PDE10A: variants seen among roughly 807,000 people sequenced by gnomAD.
The protein encoded by PDE10A is cAMP and cAMP-inhibited cGMP 3',5'-cyclic phosphodiesterase 10A.
Under a neutral mutation model 97.7 loss-of-function variants are expected in PDE10A, and 39 were observed. The ratio of observed to expected loss-of-function variants is 0.40; its 90% CI spans 0.31 to 0.52. PDE10A has a LOEUF of 0.52. Among genes scored for constraint, PDE10A ranks in the 20% least tolerant of loss-of-function variants. The pLI, the probability that PDE10A is intolerant of heterozygous loss-of-function variation, is 0.56. For missense variants in PDE10A, 731 were observed against 1,047.8 expected (o/e 0.70, Z 4.17); for synonymous variants, 371 against 376.8 (o/e 0.98, Z 0.18).
intron 1 of PDE10A, among the ~76,000 whole-genome samples, chr6:165,616,351 T>C (rs1199154727): frequency 6.6e-6 from 1 of 152,184 alleles, no homozygotes; most frequent in Non-Finnish European, 1.5e-5. Context: ...CAGGGAACAG[T>C]CTTCAGCAGC....
intron 3 of PDE10A, among the ~76,000 whole-genome samples, chr6:165,465,695 A>C (rs1778601960): frequency 6.6e-6 from 1 of 152,200 alleles, no homozygotes. Flanking sequence ...CAAAGGGGGA[A>C]GCCCCTTATA....
At chr6:165,436,384 C>T (rs1383599520) in intron 5 of PDE10A, among the ~76,000 whole-genome samples, 1 of 152,116 alleles carries the variant, frequency 6.6e-6, no homozygotes, top group Admixed American at 6.5e-5. Context: ...AATTACAGAA[C>T]TCTTTCTTTA....
rs183639376 is a variant in PDE10A, at chr6:165,771,032, G to T, written c.-615+216497C>A. On this transcript the variant is annotated intron_variant, in intron 1 of 19. Transcript: ENST00000366882. ...CTCTTTGCCCACAGTGACAGTTACT[G>T]CCATTGCAGGACTGGATTTAGAGAA... Among the ~76,000 whole-genome samples, 14 of 152,310 alleles carry T rather than the reference G, an allele frequency of 9.2e-5. No homozygotes were observed. The East Asian group carries it at 2.5e-3, about 27-fold the overall frequency.
chr6:165,829,179 C>G (rs1489185391), intron 1 of PDE10A, among the ~76,000 whole-genome samples: 1 of 152,210 alleles, frequency 6.6e-6, no homozygotes, highest in Non-Finnish European at 1.5e-5. Context: ...TAAGGATGCT[C>G]TCCAGCGCAT....
chr6:165,950,756 TA>T (rs11316490), intron 1 of PDE10A, among the ~76,000 whole-genome samples: 142,284 of 152,152 alleles, frequency 0.94, 66,656 homozygotes, highest in East Asian at 1. Flanking sequence ...TCTAAAGCAC[TA>T]AAAAAAAGGG....
In PDE10A at chr6:165,861,398, C is replaced by T. The variant is rs552967645; in HGVS notation, c.-615+126131G>A. 1.1e-4 allele frequency among the ~76,000 whole-genome samples: 16 copies of T among 148,050 alleles called. No homozygotes were observed. In the East Asian group the frequency reaches 2.6e-3, roughly 24 times the overall value. On this transcript the variant is annotated intron_variant, in intron 1 of 19. Coordinates refer to the PDE10A transcript ENST00000366882. ...GACACAGCTTGTCCTCTCGGGGGGG[C>T]GCTATGGAGGCAACAAAGTAGGGGA...
intron 1 of PDE10A, among the ~76,000 whole-genome samples, chr6:165,608,096 A>G (rs1401404725): frequency 1.4e-5 from 2 of 144,184 alleles, no homozygotes; most frequent in South Asian, 2.1e-4. Context: ...ATATATGTGC[A>G]TATATATACA....
At chr6:165,333,465 G>A (rs551758603) in intron 21 of PDE10A, among the ~76,000 whole-genome samples, 9 of 152,258 alleles carry the variant, frequency 5.9e-5, no homozygotes, top group South Asian at 4.1e-4. Context: ...GGAATACGCG[G>A]GATCGTGCAA....
At chr6:165,589,655 A>AG (rs1366521435) in intron 1 of PDE10A, among the ~76,000 whole-genome samples, 1 of 152,210 alleles carries the variant, frequency 6.6e-6, no homozygotes, top group African/African-American at 2.4e-5. Context: ...ATGGATGGAA[A>AG]GAAGGAAGGA....
intron 1 of PDE10A, among the ~76,000 whole-genome samples, chr6:165,983,993 A>C (rs1785101304): frequency 6.6e-6 from 1 of 152,264 alleles, no homozygotes; most frequent in Non-Finnish European, 1.5e-5. Flanking sequence ...CCGCCACTGC[A>C]GGCATGGGCC....
intron 1 of PDE10A, among the ~76,000 whole-genome samples, chr6:165,580,636 T>C (rs916515603): frequency 3.3e-5 from 5 of 152,210 alleles, no homozygotes; most frequent in African/African-American, 1.2e-4. Flanking sequence ...ATGGACTGAA[T>C]ATGGAGAGAG....
chr6:165,492,984 A>G (rs2128288960), intron 2 of PDE10A, among the ~76,000 whole-genome samples: 1 of 152,348 alleles, frequency 6.6e-6, no homozygotes, highest in South Asian at 2.1e-4. Flanking sequence ...CGAATTCAGC[A>G]AAGTTTCAGG....
chr6:165,459,791 G>A (rs1487610669), intron 3 of PDE10A, among the ~76,000 whole-genome samples: 1 of 152,066 alleles, frequency 6.6e-6, no homozygotes, highest in African/African-American at 2.4e-5. Context: ...GGCAATGGCA[G>A]GACTGAGAGT....
At chr6:165,928,182 G>C (rs1023539273) in intron 1 of PDE10A, among the ~76,000 whole-genome samples, 35 of 152,042 alleles carry the variant, frequency 2.3e-4, no homozygotes, top group African/African-American at 8.5e-4. Context: ...CTCAGAAGTA[G>C]GTAAAAAGGG....
intron 1 of PDE10A, among the ~76,000 whole-genome samples, chr6:165,919,832 T>C (rs1471711475): frequency 8.6e-6 from 1 of 115,966 alleles, no homozygotes; most frequent in Non-Finnish European, 1.9e-5. Context: ...TGAAAGCAAA[T>C]ACAAAGCTCA....
chr6:165,768,977 G>T (rs1246624736), intron 1 of PDE10A, among the ~76,000 whole-genome samples: 1 of 152,190 alleles, frequency 6.6e-6, no homozygotes, highest in Non-Finnish European at 1.5e-5. Flanking sequence ...TTCAAAATGT[G>T]AAGTTTTTAT....
exon 1 of PDE10A, chr6:165,987,862 C>A: frequency 2.6e-6 from 1 of 383,666 alleles, no homozygotes. Context: ...GGGAAAGCTG[C>A]ACCCAGCGCC....
At chr6:165,469,472 A>C (rs1336510539) in intron 3 of PDE10A, among the ~76,000 whole-genome samples, 1 of 152,236 alleles carries the variant, frequency 6.6e-6, no homozygotes, top group Non-Finnish European at 1.5e-5. Flanking sequence ...ATTTAGCTTA[A>C]AACAACCAAT....
chr6:165,483,696 A>G (rs1454550700), intron 2 of PDE10A, among the ~76,000 whole-genome samples: 1 of 152,252 alleles, frequency 6.6e-6, no homozygotes, highest in Non-Finnish European at 1.5e-5. Flanking sequence ...AATTAAAAGG[A>G]GCAATGTGTG....
Sources: allele counts gnomAD v4.1 joint callset (sites outside exome capture counted in the v4.1 genomes callset), GRCh38; gene constraint gnomAD v4.1.1; transcripts MANE v1.5; gene names NCBI Gene and HGNC (gene_info 2026-07-23, HGNC 2026-07-21).